RASGRF1: variants seen among roughly 807,000 people sequenced by gnomAD.
The protein encoded by RASGRF1 is ras-specific guanine nucleotide-releasing factor 1.
In RASGRF1, 40 loss-of-function variants were observed where a neutral mutation model predicts 138.7. The observed-to-expected ratio is 0.29, with a 90% confidence interval of 0.22 to 0.38. The LOEUF (loss-of-function observed/expected upper bound fraction) is 0.38, where lower values mean the gene tolerates loss of function less well. RASGRF1 is among the 10% of genes least tolerant of loss of function. The pLI, the probability that RASGRF1 is intolerant of heterozygous loss-of-function variation, is 1.00. For missense variants in RASGRF1, 1,108 were observed against 1,650.4 expected (o/e 0.67, Z 5.69); for synonymous variants, 614 against 663.2 (o/e 0.93, Z 1.14).
At chr15:78,963,032 T>C (rs2055577966) in intron 26 of RASGRF1, among the ~76,000 whole-genome samples, 1 of 152,184 alleles carries the variant, frequency 6.6e-6, no homozygotes, top group Admixed American at 6.6e-5. Flanking sequence ...TTTCTCACCC[T>C]GGGGAGAAAT....
At position 79,032,910 on chromosome 15, in the gene RASGRF1, C is replaced by T. The variant is rs760001628; in HGVS notation, c.959-594G>A. 7.2e-5 allele frequency among the ~76,000 whole-genome samples: 11 copies of T among 152,298 alleles called. No individual in the cohort carries two copies. Among genetic ancestry groups the T allele is most frequent in the South Asian group, 4.1e-4 (2 of 4,822 alleles). ...AGGCCACCCTCCCTCCTGCAGTCTC[C>T]GTCCTGAGACAGAAGTGGCCTATCT... is the stretch of plus-strand genomic sequence containing the variant. On this transcript the variant is annotated intron_variant, in intron 6 of 26. Coordinates refer to ENST00000558480, the MANE Select transcript of RASGRF1 (RefSeq NM_001145648.3). This position sits in a 1 kb window ranked among gnomAD's most constrained non-coding sequence, Gnocchi z 4.5.
chr15:79,024,824 T>A (rs935714377), intron 10 of RASGRF1, among the ~76,000 whole-genome samples: 5 of 151,542 alleles, frequency 3.3e-5, no homozygotes, highest in Non-Finnish European at 5.9e-5. Flanking sequence ...CATAGCAGTA[T>A]GAAAATGGAC....
intron 24 of RASGRF1, chr15:78,978,477 G>A (rs1215402074): frequency 2.8e-5 from 27 of 947,924 alleles, no homozygotes; most frequent in South Asian, 4.9e-5. Flanking sequence ...TGCCCACCTC[G>A]GCCTCCTAAA....
At chr15:78,996,465 T>C (rs2056394430) in intron 19 of RASGRF1, among the ~76,000 whole-genome samples, 1 of 152,114 alleles carries the variant, frequency 6.6e-6, no homozygotes, top group Non-Finnish European at 1.5e-5. Flanking sequence ...GGAGTGGCTC[T>C]CTGGATCAGC....
intron 5 of RASGRF1, among the ~76,000 whole-genome samples, chr15:79,040,224 C>T (rs1419785160): frequency 6.6e-6 from 1 of 152,066 alleles, no homozygotes; most frequent in Non-Finnish European, 1.5e-5. Flanking sequence ...CTGGGAATCA[C>T]CTATCACCCC....
At chr15:79,015,185 G>C (rs1392511447) in intron 13 of RASGRF1, 142 bp downstream of exon 13, 31 of 717,118 alleles carry the variant, frequency 4.3e-5, no homozygotes, top group Non-Finnish European at 6.2e-5. Flanking sequence ...AAACAAACAA[G>C]AAAACATCCA....
chr15:79,025,011 C>T (rs1262973017), intron 10 of RASGRF1, among the ~76,000 whole-genome samples: 1 of 150,720 alleles, frequency 6.6e-6, no homozygotes, highest in Non-Finnish European at 1.5e-5. Context: ...CACATGCACA[C>T]ACACATGCCT....
At chr15:79,052,243 T>C (rs967202536) in intron 3 of RASGRF1, among the ~76,000 whole-genome samples, 1 of 152,052 alleles carries the variant, frequency 6.6e-6, no homozygotes, top group Non-Finnish European at 1.5e-5. Context: ...TCCACCCTAC[T>C]CCCCTCTCTG....
chr15:78,973,165 G>A lies in RASGRF1; in HGVS notation c.3612+138C>T. On this transcript the variant is annotated intron_variant, in intron 25 of 26. Coordinates refer to ENST00000558480, the MANE Select transcript of RASGRF1 (RefSeq NM_001145648.3). This position sits in a 1 kb window ranked among gnomAD's most constrained non-coding sequence, Gnocchi z 4.9. Reference sequence around the variant, plus strand: ...AATGATAGTGATGGCTGTCATTGGGGAAGCTGGACCCAGGCTCCCAAATGG... The same window carrying A: ...AATGATAGTGATGGCTGTCATTGGGAAAGCTGGACCCAGGCTCCCAAATGG... 5 of 669,258 alleles carry A rather than the reference G, an allele frequency of 7.5e-6. No homozygotes were observed. In the South Asian group the frequency reaches 9.3e-5, roughly 12 times the overall value. 41.5% of individuals were successfully genotyped at this position (669,258 alleles called of 1,614,324 possible).
At chr15:78,984,246 G>T (rs576073510) in intron 23 of RASGRF1, among the ~76,000 whole-genome samples, 1 of 152,264 alleles carries the variant, frequency 6.6e-6, no homozygotes, top group African/African-American at 2.4e-5. Flanking sequence ...TTGGGGGCTT[G>T]CCCTGTCTAC....
chr15:78,987,167 A>G (rs1319408994), intron 22 of RASGRF1, among the ~76,000 whole-genome samples: 1 of 152,222 alleles, frequency 6.6e-6, no homozygotes, highest in Non-Finnish European at 1.5e-5. Flanking sequence ...CTGGAATGCA[A>G]GGATGATTGA....
intron 1 of RASGRF1, among the ~76,000 whole-genome samples, chr15:79,067,703 A>G (rs1324799979): frequency 6.6e-6 from 1 of 152,222 alleles, no homozygotes; most frequent in African/African-American, 2.4e-5. Flanking sequence ...CTGAATCAGC[A>G]CAAATCTGGA....
chr15:79,013,079 G>A (rs1411648795), intron 13 of RASGRF1, among the ~76,000 whole-genome samples: 1 of 152,224 alleles, frequency 6.6e-6, no homozygotes. Flanking sequence ...AGTTTTATTG[G>A]ATTATTGAAA....
intron 3 of RASGRF1, among the ~76,000 whole-genome samples, chr15:79,053,481 A>T (rs1189640479): frequency 6.6e-6 from 1 of 152,254 alleles, no homozygotes; most frequent in Non-Finnish European, 1.5e-5. Flanking sequence ...ATAGCTATTA[A>T]GAAAATGAAA....
intron 6 of RASGRF1, among the ~76,000 whole-genome samples, chr15:79,034,043 G>A (rs1475322542): frequency 6.6e-6 from 1 of 152,146 alleles, no homozygotes; most frequent in East Asian, 1.9e-4. Context: ...TCTTTCTAAG[G>A]ACACCTTATT....
In RASGRF1 at chr15:78,982,516, A is replaced by T. The variant is rs935666787; in HGVS notation, c.3415-1817T>A. Among the ~76,000 whole-genome samples, 4 of 152,124 alleles carry T rather than the reference A, an allele frequency of 2.6e-5. No homozygotes were observed. The East Asian group carries it at 7.7e-4, about 29-fold the overall frequency. On this transcript the variant is annotated intron_variant, in intron 23 of 26. Coordinates refer to ENST00000558480, the MANE Select transcript of RASGRF1 (RefSeq NM_001145648.3). ...CTGGGCCAGGAGCTTCTATCCTGTGATGCTCCATGGGATACCAAGCCTCTG... is the reference window on the plus strand; with the variant it reads ...CTGGGCCAGGAGCTTCTATCCTGTGTTGCTCCATGGGATACCAAGCCTCTG...
At chr15:79,003,731 C>T (rs2056598400) in intron 15 of RASGRF1, 71 bp downstream of exon 15, 3 of 1,518,092 alleles carry the variant, frequency 2.0e-6, no homozygotes, top group African/African-American at 1.4e-5. Context: ...GCCCTGAGGC[C>T]TTGCTGGGCC....
intron 9 of RASGRF1, 94 bp from the exon 10 acceptor site, chr15:79,025,568 G>A: frequency 7.0e-7 from 1 of 1,421,254 alleles, no homozygotes; most frequent in Non-Finnish European, 9.6e-7. Context: ...GGCAGCAGCA[G>A]TGGGACAAGT....
intron 10 of RASGRF1, among the ~76,000 whole-genome samples, chr15:79,022,689 G>C (rs2056978388): frequency 6.6e-6 from 1 of 152,106 alleles, no homozygotes; most frequent in African/African-American, 2.4e-5. Flanking sequence ...CACATAATTT[G>C]GTTAAAACAG....
Sources: gnomAD v4.1 joint callset for allele counts (sites outside exome capture counted in the v4.1 genomes callset) on GRCh38, gnomAD v4.1.1 for gene constraint, Gnocchi (gnomAD v3.1) non-coding constraint, MANE v1.5 for transcripts, NCBI Gene and HGNC (gene_info 2026-07-23, HGNC 2026-07-21) for gene names.